The following HPSE2 variants were observed in gnomAD, a reference collection of about 807,000 sequenced individuals.
HPSE2 encodes the protein inactive heparanase-2.
A neutral mutation model predicts 60.5 loss-of-function variants in HPSE2; 38 were observed. That is an observed-to-expected ratio of 0.63 (90% CI 0.48 to 0.82). HPSE2 has a LOEUF of 0.82. Among genes scored for constraint, HPSE2 ranks in the 40% least tolerant of loss-of-function variants. The pLI is 0.00. For synonymous variants in HPSE2, 295 were observed against 293.2 expected (o/e 1.01, Z -0.06); for missense variants, 713 against 740.4 (o/e 0.96, Z 0.43).
intron 9 of HPSE2, among the ~76,000 whole-genome samples, chr10:98,568,218 C>A (rs1018611811): frequency 6.6e-6 from 1 of 152,216 alleles, no homozygotes; most frequent in East Asian, 1.9e-4. Context: ...GACAGTAAAG[C>A]TCCAGAAGCA....
intron 3 of HPSE2, among the ~76,000 whole-genome samples, chr10:98,844,576 A>G (rs1951992623): frequency 6.6e-6 from 1 of 152,156 alleles, no homozygotes; most frequent in South Asian, 2.1e-4. Context: ...AGTGCCATGG[A>G]TTAGTAGTAA....
chr10:98,608,669 T>C (rs1425807245), intron 9 of HPSE2, among the ~76,000 whole-genome samples: 1 of 152,210 alleles, frequency 6.6e-6, no homozygotes, highest in Non-Finnish European at 1.5e-5. Context: ...AAGGATGCCC[T>C]TCTCTCAGCA....
chr10:99,112,271 G>A (rs879350515), intron 3 of HPSE2, among the ~76,000 whole-genome samples: 9 of 152,126 alleles, frequency 5.9e-5, no homozygotes, highest in Non-Finnish European at 8.8e-5. Flanking sequence ...ACAGAGTCTC[G>A]CTCTGTCACC....
chr10:98,752,742 C>G (rs944740568), intron 3 of HPSE2, among the ~76,000 whole-genome samples: 2 of 152,114 alleles, frequency 1.3e-5, no homozygotes, highest in African/African-American at 4.8e-5. Flanking sequence ...TCTGCACTCC[C>G]ATGTTTATCA....
At chr10:98,769,473 G>T (rs376034272) in intron 3 of HPSE2, among the ~76,000 whole-genome samples, 3 of 152,130 alleles carry the variant, frequency 2.0e-5, no homozygotes, top group Admixed American at 1.3e-4. Flanking sequence ...TCTGGCAAAG[G>T]TTCCACTGAG....
At chr10:98,551,788 T>G (rs1480854257) in intron 9 of HPSE2, among the ~76,000 whole-genome samples, 2 of 152,182 alleles carry the variant, frequency 1.3e-5, no homozygotes, top group African/African-American at 4.8e-5. Flanking sequence ...TTACTGTTGC[T>G]TACAACCAAA....
At chr10:98,885,510 T>C (rs1245405933) in intron 3 of HPSE2, among the ~76,000 whole-genome samples, 1 of 152,114 alleles carries the variant, frequency 6.6e-6, no homozygotes, top group Non-Finnish European at 1.5e-5. Context: ...AGTTGACCAA[T>C]ATGGCAAACT....
At chr10:98,965,752 G>A (rs1955797805) in intron 3 of HPSE2, among the ~76,000 whole-genome samples, 1 of 152,092 alleles carries the variant, frequency 6.6e-6, no homozygotes, top group Non-Finnish European at 1.5e-5. Flanking sequence ...TAACTTATTA[G>A]TTGTCTTGCA....
chr10:99,107,412 T>A (rs1461717515), intron 3 of HPSE2, among the ~76,000 whole-genome samples: 4 of 152,210 alleles, frequency 2.6e-5, no homozygotes, highest in African/African-American at 9.6e-5. Context: ...CCCTTTATCA[T>A]GTCTTAGCAA....
chr10:98,557,177 C>T (rs1448472065), intron 9 of HPSE2, among the ~76,000 whole-genome samples: 1 of 151,998 alleles, frequency 6.6e-6, no homozygotes, highest in Non-Finnish European at 1.5e-5. Flanking sequence ...CGCACCACTG[C>T]ACTCCAGTCT....
intron 3 of HPSE2, among the ~76,000 whole-genome samples, chr10:98,795,891 T>C (rs1950768789): frequency 6.6e-6 from 1 of 152,198 alleles, no homozygotes; most frequent in Non-Finnish European, 1.5e-5. Flanking sequence ...TTCTAGGCCC[T>C]AGCTCACTGA....
At chr10:99,129,618 C>T (rs956150594) in intron 3 of HPSE2, among the ~76,000 whole-genome samples, 8 of 151,658 alleles carry the variant, frequency 5.3e-5, no homozygotes, top group African/African-American at 1.4e-4. Flanking sequence ...TCAAAACCTC[C>T]GGGATACAGC....
At chr10:99,119,471 G>A (rs1844860293) in intron 3 of HPSE2, among the ~76,000 whole-genome samples, 2 of 152,178 alleles carry the variant, frequency 1.3e-5, no homozygotes, top group Non-Finnish European at 2.9e-5. Context: ...AACATTACAT[G>A]CTCATGGACA....
At chr10:99,105,148 C>T (rs1374660599) in intron 3 of HPSE2, among the ~76,000 whole-genome samples, 2 of 151,362 alleles carry the variant, frequency 1.3e-5, no homozygotes, top group Admixed American at 1.3e-4. Flanking sequence ...TCTATTGCTA[C>T]AGTTTTTCAT....
intron 7 of HPSE2, among the ~76,000 whole-genome samples, chr10:98,638,184 G>A (rs1054617530): frequency 6.4e-5 from 8 of 125,614 alleles, no homozygotes; most frequent in East Asian, 2.7e-4. Flanking sequence ...AGTGGCTCAC[G>A]CCTGTAATCC....
chr10:99,226,128 C>A (rs1382706071), intron 2 of HPSE2, among the ~76,000 whole-genome samples: 1 of 151,880 alleles, frequency 6.6e-6, no homozygotes, highest in East Asian at 1.9e-4. Flanking sequence ...AGGGTGGTCT[C>A]CTTCCTGCCC....
intron 3 of HPSE2, among the ~76,000 whole-genome samples, chr10:98,843,670 C>G (rs1331317213): frequency 6.6e-6 from 1 of 152,168 alleles, no homozygotes; most frequent in Non-Finnish European, 1.5e-5. Context: ...GTAGACATAA[C>G]ATCACCTCTC....
chr10:98,519,822 G>C (rs1170920483), intron 9 of HPSE2, among the ~76,000 whole-genome samples: 1 of 152,152 alleles, frequency 6.6e-6, no homozygotes, highest in Non-Finnish European at 1.5e-5. Flanking sequence ...AAGTGAAGGT[G>C]GTCTCCACCC....
chr10:98,626,920 C>T (rs1946230533), intron 7 of HPSE2, among the ~76,000 whole-genome samples: 1 of 152,076 alleles, frequency 6.6e-6, no homozygotes, highest in Admixed American at 6.6e-5. Context: ...ACTACAGGTG[C>T]CCACCACCAC....
Sources: gnomAD v4.1 joint callset for allele counts (sites outside exome capture counted in the v4.1 genomes callset) on GRCh38, gnomAD v4.1.1 for gene constraint, MANE v1.5 for transcripts, NCBI Gene and HGNC (gene_info 2026-07-23, HGNC 2026-07-21) for gene names.